Variants in YEATS2 observed in about 807,000 individuals in gnomAD.
YEATS2 encodes the protein YEATS domain-containing protein 2.
YEATS2 carries 77 observed loss-of-function variants against 163.2 expected under a neutral mutation model. The ratio of observed to expected loss-of-function variants is 0.47; its 90% CI spans 0.39 to 0.57. The LOEUF is 0.57. Among genes scored for constraint, YEATS2 ranks in the 20% least tolerant of loss-of-function variants. The pLI, the probability that YEATS2 is intolerant of heterozygous loss-of-function variation, is 0.00. For missense variants in YEATS2, 1,549 were observed against 1,729.8 expected (o/e 0.90, Z 1.85); for synonymous variants, 631 against 645.1 (o/e 0.98, Z 0.33).
In YEATS2 at chr3:183,782,205, G is replaced by T. The variant is rs906413508; in HGVS notation, c.2737-3920G>T. Among the ~76,000 whole-genome samples, 32 of 152,030 alleles carry T rather than the reference G, an allele frequency of 2.1e-4. 1 individual carries two copies. The highest frequency in any genetic ancestry group is 2.9e-5 in the Non-Finnish European group (2 of 68,016). On this transcript the variant is annotated intron_variant, in intron 19 of 30. Transcript: ENST00000305135. Reference sequence around the variant, plus strand: ...GCTCACTGCAACCTCTGCCTCCCGGGTTCAAGCGATTCTCCTGCCTCAGCC... The same window carrying T: ...GCTCACTGCAACCTCTGCCTCCCGGTTTCAAGCGATTCTCCTGCCTCAGCC...
intron 5 of YEATS2, 90 bp downstream of exon 5, chr3:183,722,226 C>T: frequency 7.5e-7 from 1 of 1,334,794 alleles, no homozygotes. Context: ...TGAACTGTCA[C>T]AGGAATCTTA....
At chr3:183,772,190 A>G (rs1047926848) in intron 15 of YEATS2, 115 bp from the exon 16 acceptor site, 2 of 1,435,352 alleles carry the variant, frequency 1.4e-6, no homozygotes, top group Non-Finnish European at 1.9e-6. Flanking sequence ...TTCCTAGATG[A>G]CTGAATTAGG....
chr3:183,725,519 G>C (rs917528472), intron 6 of YEATS2, among the ~76,000 whole-genome samples: 19 of 152,214 alleles, frequency 1.2e-4, no homozygotes, highest in African/African-American at 4.6e-4. Context: ...TCACAATCCT[G>C]GCGGAAGGCA....
chr3:183,750,552 C>G (rs1022518956), intron 9 of YEATS2, among the ~76,000 whole-genome samples: 1 of 152,178 alleles, frequency 6.6e-6, no homozygotes, highest in African/African-American at 2.4e-5. Context: ...ACAGTGCACA[C>G]GTATTCCAGT....
intron 1 of YEATS2, among the ~76,000 whole-genome samples, chr3:183,703,492 A>G (rs1714321293): frequency 6.6e-6 from 1 of 152,016 alleles, no homozygotes; most frequent in Admixed American, 6.6e-5. Flanking sequence ...CTTTTGCACC[A>G]ACCTAATAGA....
intron 26 of YEATS2, 28 bp from the exon 27 acceptor site, chr3:183,803,959 G>C (rs1391111401): frequency 6.2e-7 from 1 of 1,610,440 alleles, no homozygotes; most frequent in Non-Finnish European, 8.5e-7. Context: ...ATTTGATTAT[G>C]GTTCCAAAAG....
intron 12 of YEATS2, among the ~76,000 whole-genome samples, chr3:183,758,207 AT>A (rs760088800): frequency 6.6e-6 from 1 of 152,150 alleles, no homozygotes; most frequent in Non-Finnish European, 1.5e-5. Flanking sequence ...AAATAGAAAA[AT>A]TAGCCAGGTG....
intron 1 of YEATS2, among the ~76,000 whole-genome samples, 158 bp downstream of exon 1, chr3:183,698,151 G>T (rs1240732823): frequency 1.3e-5 from 2 of 151,892 alleles, no homozygotes; most frequent in East Asian, 3.9e-4. Flanking sequence ...CGAGGGGAGG[G>T]CAGGGAGGAT....
chr3:183,804,055 C>T lies in YEATS2; in HGVS notation c.3651C>T (p.His1217=). 1.2e-6 allele frequency: 2 copies of T among 1,614,112 alleles called. No individual in the cohort carries two copies. Among genetic ancestry groups the T allele is most frequent in the Non-Finnish European group, 1.7e-6 (2 of 1,180,010 alleles). ...TGGAGAAGAATCCGAGATTTCACCA[C>T]CTGACTCCCCTCAAAACCAAGCACA... is the stretch of plus-strand genomic sequence containing the variant. ...EILEKNPRFH[H]LTPLKTKHIA... is the part of the protein sequence containing the mutation. Residue 1217 remains histidine (H), a synonymous_variant, in exon 27 of 31, where the codon CAC becomes CAT. Coordinates refer to ENST00000305135, the MANE Select transcript of YEATS2 (RefSeq NM_018023.5).
chr3:183,751,252 C>G (rs1301141298), intron 9 of YEATS2, among the ~76,000 whole-genome samples: 1 of 152,174 alleles, frequency 6.6e-6, no homozygotes, highest in Non-Finnish European at 1.5e-5. Context: ...GATCATTTGA[C>G]CATATATGTG....
chr3:183,781,839 G>A (rs756674795), intron 19 of YEATS2, among the ~76,000 whole-genome samples: 1 of 151,890 alleles, frequency 6.6e-6, no homozygotes, highest in Non-Finnish European at 1.5e-5. Flanking sequence ...TGAAGTTGAG[G>A]CTACAGTGAG....
chr3:183,729,616 A>G (rs1407617753), intron 7 of YEATS2, among the ~76,000 whole-genome samples: 3 of 152,054 alleles, frequency 2.0e-5, no homozygotes, highest in Non-Finnish European at 4.4e-5. Context: ...TTTCACCAAG[A>G]TGGAATGATT....
chr3:183,756,975 A>G (rs1720836691), intron 12 of YEATS2, among the ~76,000 whole-genome samples: 1 of 152,200 alleles, frequency 6.6e-6, no homozygotes, highest in Non-Finnish European at 1.5e-5. Context: ...CATTTGGAAG[A>G]CTTACGCTTT....
At chr3:183,744,960 C>T (rs1038852175) in intron 8 of YEATS2, among the ~76,000 whole-genome samples, 1 of 152,116 alleles carries the variant, frequency 6.6e-6, no homozygotes, top group African/African-American at 2.4e-5. Flanking sequence ...AAGCGATTCT[C>T]CTGCCTCAGC....
chr3:183,797,976 A>G lies in YEATS2; in HGVS notation c.3151A>G (p.Ile1051Val), dbSNP rs1425083892. ...CAGTCCGCAGCAGGCCGTCCTGACG[A>G]TTCCCAGCCAGCTCAAACCACTCAG... ...QSSPQQAVLTIPSQLKPLSVN... is the reference protein window; with the variant it reads ...QSSPQQAVLTVPSQLKPLSVN... Residue 1051 changes from isoleucine (I) to valine (V), a missense_variant, in exon 22 of 31, where the codon ATT becomes GTT. Coordinates refer to ENST00000305135, the MANE Select transcript of YEATS2 (RefSeq NM_018023.5). The G allele has an allele frequency of 1.2e-6, 2 of 1,614,064 alleles. No individual in the cohort carries two copies. Among genetic ancestry groups the G allele is most frequent in the East Asian group, 4.5e-5 (2 of 44,894 alleles).
intron 22 of YEATS2, 121 bp from the exon 23 acceptor site, chr3:183,798,770 G>C (rs1479369039): frequency 1.4e-6 from 1 of 731,568 alleles, no homozygotes; most frequent in Non-Finnish European, 2.4e-6. Context: ...TGCAATTCCT[G>C]TTGTCCTCAA....
intron 13 of YEATS2, among the ~76,000 whole-genome samples, chr3:183,759,486 C>T (rs1424645328): frequency 1.3e-5 from 2 of 152,226 alleles, no homozygotes; most frequent in South Asian, 2.1e-4. Flanking sequence ...TTGGACACCT[C>T]TCTCTCTCGC....
intron 17 of YEATS2, among the ~76,000 whole-genome samples, chr3:183,774,181 C>T (rs1722746902): frequency 6.6e-6 from 1 of 152,170 alleles, no homozygotes; most frequent in South Asian, 2.1e-4. Context: ...TCGAGTGTGT[C>T]TGTTTGACTT....
chr3:183,772,659 A>C lies in YEATS2; in HGVS notation c.2206+96A>C, dbSNP rs79799719. On this transcript the variant is annotated intron_variant, in intron 16 of 30. Coordinates refer to ENST00000305135, the MANE Select transcript of YEATS2 (RefSeq NM_018023.5). ...ATTTGCTATTTGATCTGGTCTAGGA[A>C]AGCCTAGTTAGGTTGATGCTGTAAG... 5.3e-3 allele frequency: 7,834 copies of C among 1,486,028 alleles called. 366 individuals carry two copies. In the African/African-American group the frequency reaches 0.095, roughly 18 times the overall value. The allele number at this position is 1,486,028 out of a possible 1,614,324, so 92.1% of individuals were successfully genotyped here. A position where few individuals can be genotyped will look rare whatever the true frequency, so the allele number is the denominator to read the frequency against.
Sources: gnomAD v4.1 joint callset for allele counts (sites outside exome capture counted in the v4.1 genomes callset) on GRCh38, gnomAD v4.1.1 for gene constraint, MANE v1.5 for transcripts, NCBI Gene and HGNC (gene_info 2026-07-23, HGNC 2026-07-21) for gene names.